Variants in PRKCB observed in about 807,000 individuals in gnomAD.
PRKCB encodes the protein protein kinase C beta type.
A neutral mutation model predicts 81.5 loss-of-function variants in PRKCB; 13 were observed. The ratio of observed to expected loss-of-function variants is 0.16; its 90% CI spans 0.10 to 0.25. The LOEUF (loss-of-function observed/expected upper bound fraction) is 0.25, where lower values mean the gene tolerates loss of function less well. Ranked by LOEUF, PRKCB falls within the 10% of genes least tolerant of loss-of-function variation. The pLI, the probability that PRKCB is intolerant of heterozygous loss-of-function variation, is 1.00. For missense variants in PRKCB, 509 were observed against 875.7 expected (o/e 0.58, Z 5.29); for synonymous variants, 335 against 321.4 (o/e 1.04, Z -0.45).
At chr16:24,117,601 C>A (rs1462427651) in intron 8 of PRKCB, among the ~76,000 whole-genome samples, 3 of 152,134 alleles carry the variant, frequency 2.0e-5, no homozygotes, top group Non-Finnish European at 4.4e-5. Flanking sequence ...GTTTAAGTAA[C>A]TTTATAAGGT....
At chr16:24,054,895 TC>T (rs1965885254) in intron 5 of PRKCB, among the ~76,000 whole-genome samples, 1 of 152,252 alleles carries the variant, frequency 6.6e-6, no homozygotes, top group African/African-American at 2.4e-5. Context: ...GTGGTCTGCA[TC>T]TGTCTGCATC....
intron 2 of PRKCB, among the ~76,000 whole-genome samples, chr16:23,858,492 T>A (rs1962609985): frequency 1.3e-5 from 2 of 151,924 alleles, no homozygotes; most frequent in Non-Finnish European, 2.9e-5. Context: ...ACTGGCAACA[T>A]TTGACAGGAA....
intron 3 of PRKCB, among the ~76,000 whole-genome samples, chr16:24,018,271 A>G (rs1965312070): frequency 6.6e-6 from 1 of 151,960 alleles, no homozygotes; most frequent in African/African-American, 2.4e-5. Flanking sequence ...GGCTGGTCTC[A>G]AACTCCTGGG....
Position 23,899,464 on chromosome 16 carries a change from C to T in PRKCB, c.205+62058C>T, listed in dbSNP as rs376682295. Among the ~76,000 whole-genome samples the T allele has an allele frequency of 7.9e-5, 12 of 152,320 alleles. No individual in the cohort carries two copies. In the East Asian group the frequency reaches 1.7e-3, roughly 22 times the overall value. On this transcript the variant is annotated intron_variant, in intron 2 of 16. Coordinates refer to ENST00000643927, the MANE Select transcript of PRKCB (RefSeq NM_002738.7). ...TTTCTCTGTTAAAAATGTCAAACAG[C>T]AACTTACCAGAGGAAACAGAATGGT...
intron 3 of PRKCB, among the ~76,000 whole-genome samples, chr16:23,993,821 C>T (rs1964921059): frequency 6.6e-6 from 1 of 152,196 alleles, no homozygotes; most frequent in South Asian, 2.1e-4. Context: ...ACCTATGGCA[C>T]TGCCTAATCA....
intron 9 of PRKCB, among the ~76,000 whole-genome samples, chr16:24,133,637 A>G (rs936057699): frequency 6.6e-6 from 1 of 152,222 alleles, no homozygotes; most frequent in African/African-American, 2.4e-5. Context: ...ATTATCGCCA[A>G]CGTTTCTGAG....
intron 16 of PRKCB, among the ~76,000 whole-genome samples, chr16:24,209,029 T>C (rs1968093056): frequency 1.3e-5 from 2 of 152,078 alleles, no homozygotes; most frequent in Admixed American, 1.3e-4. Flanking sequence ...GGGGAGGTTG[T>C]GGAGCTGCCA....
At chr16:23,901,272 C>A (rs1002456170) in intron 2 of PRKCB, among the ~76,000 whole-genome samples, 3 of 152,032 alleles carry the variant, frequency 2.0e-5, no homozygotes. Context: ...CCTTTATGAT[C>A]GATCATACCC....
chr16:24,154,828 A>G lies in PRKCB; in HGVS notation c.1210A>G (p.Thr404Ala). The G allele has an allele frequency of 4.3e-6, 7 of 1,613,950 alleles. No homozygotes were observed. The highest frequency in any genetic ancestry group is 5.1e-6 in the Non-Finnish European group (6 of 1,179,956). Residue 404 changes from threonine to alanine, a missense_variant, in exon 10 of 17, where the codon ACC (threonine) becomes GCC (alanine). Thr to Ala is a moderately conservative substitution (Grantham distance 58). Coordinates refer to ENST00000643927, the MANE Select transcript of PRKCB (RefSeq NM_002738.7). ...CCTGCCTGGGAAGCCGCCCTTCCTGACCCAGCTCCACTCCTGCTTCCAGAC... is the reference window on the plus strand; with the variant it reads ...CCTGCCTGGGAAGCCGCCCTTCCTGGCCCAGCTCCACTCCTGCTTCCAGAC... ...LALPGKPPFL[T>A]QLHSCFQTMD... is the part of the protein sequence containing the mutation.
At chr16:24,205,756 G>T (rs767166345) in intron 16 of PRKCB, among the ~76,000 whole-genome samples, 2 of 152,138 alleles carry the variant, frequency 1.3e-5, no homozygotes, top group African/African-American at 2.4e-5. Context: ...AAACAGATGT[G>T]ATTTTGCTCT....
At chr16:24,078,334 G>C (rs539992951) in intron 5 of PRKCB, among the ~76,000 whole-genome samples, 3 of 152,328 alleles carry the variant, frequency 2.0e-5, no homozygotes, top group Admixed American at 2.0e-4. Context: ...ACGCCATCCT[G>C]GTTCCTGTCC....
chr16:23,865,265 T>TTGTGTG (rs57426992), intron 2 of PRKCB, among the ~76,000 whole-genome samples: 15 of 129,152 alleles, frequency 1.2e-4, no homozygotes, highest in African/African-American at 4.1e-4. Context: ...TCTGTTTTGT[T>TTGTGTG]TGTGTGTGTG....
At chr16:24,201,508 C>G (rs918464764) in intron 16 of PRKCB, among the ~76,000 whole-genome samples, 1 of 152,130 alleles carries the variant, frequency 6.6e-6, no homozygotes, top group Admixed American at 6.5e-5. Flanking sequence ...TATAAAATCC[C>G]AGCAGCCTAG....
chr16:24,061,897 C>A (rs989813184), intron 5 of PRKCB, among the ~76,000 whole-genome samples: 3 of 137,330 alleles, frequency 2.2e-5, no homozygotes, highest in South Asian at 2.4e-4. Context: ...ACTCCCCCTG[C>A]ACCTTAAATA....
At chr16:24,110,103 A>G (rs1966653213) in intron 7 of PRKCB, among the ~76,000 whole-genome samples, 5 of 121,240 alleles carry the variant, frequency 4.1e-5, no homozygotes, top group African/African-American at 1.6e-4. Flanking sequence ...AGGGAGAGGG[A>G]GACCGTGGGG....
At chr16:24,080,635 G>A (rs564189682) in intron 5 of PRKCB, among the ~76,000 whole-genome samples, 1 of 152,288 alleles carries the variant, frequency 6.6e-6, no homozygotes, top group East Asian at 1.9e-4. Context: ...TCAGTAAAGA[G>A]GTGTGGGTGG....
rs557303017 is a variant in PRKCB at position 24,021,751 on chromosome 16, T to G, written c.289-10385T>G. Among the ~76,000 whole-genome samples the G allele has an allele frequency of 2.6e-5, 4 of 152,264 alleles. No homozygotes were observed. The East Asian group carries it at 5.8e-4, about 22-fold the overall frequency. On this transcript the variant is annotated intron_variant, in intron 3 of 16. Coordinates refer to ENST00000643927, the MANE Select transcript of PRKCB (RefSeq NM_002738.7). ...TGTGACCTTGGGCAAGTTACTTCTCTGAGCCTCAGTTTTCTCATCTGGAAT... is the reference window on the plus strand; with the variant it reads ...TGTGACCTTGGGCAAGTTACTTCTCGGAGCCTCAGTTTTCTCATCTGGAAT...
intron 3 of PRKCB, among the ~76,000 whole-genome samples, chr16:24,021,293 CCCTT>C (rs1157671937): frequency 0.043 from 781 of 18,320 alleles, 38 homozygotes; most frequent in Non-Finnish European, 0.054. Flanking sequence ...CCCTCTCCCT[CCCTT>C]CCTTCCTTCC....
At chr16:23,869,713 A>C (rs903079507) in intron 2 of PRKCB, among the ~76,000 whole-genome samples, 4 of 152,248 alleles carry the variant, frequency 2.6e-5, no homozygotes, top group African/African-American at 9.6e-5. Context: ...TATAAATAGA[A>C]AAACAGTGTC....
Sources: gnomAD v4.1 joint callset for allele counts (sites outside exome capture counted in the v4.1 genomes callset) on GRCh38, gnomAD v4.1.1 for gene constraint, MANE v1.5 for transcripts, NCBI Gene and HGNC (gene_info 2026-07-23, HGNC 2026-07-21) for gene names.